Variants in NAT2 observed in about 807,000 individuals in gnomAD.
NAT2 encodes the protein N-acetyltransferase 2.
For missense variants in NAT2, 428 were observed against 339.1 expected, an observed-to-expected ratio of 1.26 and a Z score of -2.06; for synonymous variants, 137 against 125.9, an observed-to-expected ratio of 1.09 and a Z score of -0.59.
chr8:18,390,553 A>G (rs955652952), upstream of NAT2, among the ~76,000 whole-genome samples: 2 of 152,100 alleles, frequency 1.3e-5, no homozygotes, highest in Non-Finnish European at 1.5e-5. Flanking sequence ...AATATATACA[A>G]TTGTTATGTG....
chr8:18,393,188 T>C (rs1253015906), intron 1 of NAT2, among the ~76,000 whole-genome samples: 1 of 152,124 alleles, frequency 6.6e-6, no homozygotes, highest in Non-Finnish European at 1.5e-5. Flanking sequence ...AAGTTTCACA[T>C]ACTAAAAGCC....
Position 18,400,058 on chromosome 8 carries a change from T to C in NAT2, c.55T>C (p.Leu19=), listed in dbSNP as rs934741595. 11 of 1,611,916 alleles carry C rather than the reference T, an allele frequency of 6.8e-6. No individual in the cohort carries two copies. Among genetic ancestry groups the C allele is most frequent in the African/African-American group, 1.3e-5 (1 of 74,830 alleles). Residue 19 remains leucine (L), a synonymous_variant, in exon 2 of 2, where the codon TTG becomes CTG. Coordinates refer to ENST00000286479, the MANE Select transcript of NAT2 (RefSeq NM_000015.3). ...RIGYKNSRNK[L]DLETLTDILE... ...TGGCTATAAGAACTCTAGGAACAAA[T>C]TGGACTTGGAAACATTAACTGACAT...
intron 1 of NAT2, among the ~76,000 whole-genome samples, chr8:18,395,347 T>C (rs1217548378): frequency 1.3e-5 from 2 of 152,080 alleles, no homozygotes; most frequent in South Asian, 2.1e-4. Context: ...AACAAGGAAA[T>C]TTGGTTATTT....
chr8:18,396,501 T>G (rs1800694001), intron 1 of NAT2, among the ~76,000 whole-genome samples: 1 of 152,178 alleles, frequency 6.6e-6, no homozygotes, highest in South Asian at 2.1e-4. Context: ...GTTCAAGTGA[T>G]TCTCCTGCCT....
intron 1 of NAT2, among the ~76,000 whole-genome samples, chr8:18,397,054 A>C (rs1800704535): frequency 6.6e-6 from 1 of 152,186 alleles, no homozygotes; most frequent in Admixed American, 6.5e-5. Context: ...AAGTAGAGAT[A>C]TGGAGAAACA....
intron 1 of NAT2, among the ~76,000 whole-genome samples, chr8:18,395,362 G>C (rs1585136730): frequency 1.3e-5 from 2 of 151,716 alleles, no homozygotes; most frequent in East Asian, 3.9e-4. Flanking sequence ...TTATTTCTGT[G>C]GCATATAACA....
At chr8:18,396,110 A>C (rs552532206) in intron 1 of NAT2, among the ~76,000 whole-genome samples, 1 of 152,134 alleles carries the variant, frequency 6.6e-6, no homozygotes, top group African/African-American at 2.4e-5. Context: ...CTTACAAACA[A>C]ATCTATTTAA....
At chr8:18,386,570 A>T (rs1005881543), upstream of NAT2, among the ~76,000 whole-genome samples, 1 of 152,178 alleles carries the variant, frequency 6.6e-6, no homozygotes, top group Admixed American at 6.5e-5. Flanking sequence ...CCAGGTGCCC[A>T]TACACCCCAC....
rs147386892 is a variant in NAT2 at position 18,396,751 on chromosome 8, T to A, written c.-6-3247T>A. Reference sequence around the variant, plus strand: ...TATTCGTTTCATAAAAACAGCTAAATCCTGAGCTATCTGTAAAAAAATACG... The same window carrying A: ...TATTCGTTTCATAAAAACAGCTAAAACCTGAGCTATCTGTAAAAAAATACG... On this transcript the variant is annotated intron_variant, in intron 1 of 1. Coordinates refer to ENST00000286479, the MANE Select transcript of NAT2 (RefSeq NM_000015.3). Among the ~76,000 whole-genome samples the A allele has an allele frequency of 1.4e-3, 213 of 152,280 alleles. 1 individual carries two copies. The highest frequency in any genetic ancestry group is 4.8e-3 in the African/African-American group (201 of 41,570).
upstream of NAT2, among the ~76,000 whole-genome samples, chr8:18,386,746 T>C (rs76923170): frequency 3.9e-3 from 590 of 152,162 alleles, 2 homozygotes; most frequent in East Asian, 0.02. Context: ...GTTCCTCTTC[T>C]CTGACTCTGC....
chr8:18,400,568 ATATACT>A lies in NAT2; in HGVS notation c.569_574del (p.Tyr190_Leu191del), dbSNP rs777541171. On this transcript the variant is annotated inframe_deletion, in exon 2 of 2. Transcript: ENST00000286479. ...CCTGCCAAAGAAGAAACACCAAAAA[ATATACT>A]TATTTACGCTTGAACCTCGAACAAT... 1 of 1,612,462 alleles carries A rather than the reference ATATACT, an allele frequency of 6.2e-7. No homozygotes were observed. The highest frequency in any genetic ancestry group is 8.5e-7 in the Non-Finnish European group (1 of 1,179,656).
At chr8:18,388,703 AACTC>A (rs1352310364), upstream of NAT2, among the ~76,000 whole-genome samples, 2 of 152,186 alleles carry the variant, frequency 1.3e-5, no homozygotes, top group Non-Finnish European at 2.9e-5. Context: ...AGACATAACT[AACTC>A]TAATGCTTTT....
chr8:18,393,696 G>A (rs1800631268), intron 1 of NAT2, among the ~76,000 whole-genome samples: 1 of 152,094 alleles, frequency 6.6e-6, no homozygotes, highest in South Asian at 2.1e-4. Context: ...CCTTCAGTTT[G>A]CAAGACTTTA....
At chr8:18,399,309 A>G (rs1800748102) in intron 1 of NAT2, among the ~76,000 whole-genome samples, 1 of 152,164 alleles carries the variant, frequency 6.6e-6, no homozygotes, top group South Asian at 2.1e-4. Flanking sequence ...CTGTGCACCC[A>G]CTAACCCCTC....
intron 1 of NAT2, among the ~76,000 whole-genome samples, chr8:18,392,347 C>T (rs1395421716): frequency 6.6e-6 from 1 of 152,122 alleles, no homozygotes; most frequent in Non-Finnish European, 1.5e-5. Flanking sequence ...CCCAAAACCT[C>T]AAAAGTAGGG....
Position 18,400,143 on chromosome 8 carries a change from C to A in NAT2, c.140C>A (p.Ala47Asp), listed in dbSNP as rs1463045225. Residue 47 changes from alanine to aspartate, a missense_variant, in exon 2 of 2, where the codon GCC (alanine) becomes GAC (aspartate). Transcript: ENST00000286479. ...AACCTTAACATGCATTGTGGGCAAG[C>A]CATGGAGTTGGGCTTAGAGGCTATT... ...FENLNMHCGQ[A>D]MELGLEAIFD... 6.2e-7 allele frequency: 1 copy of A among 1,613,984 alleles called. No homozygotes were observed.
chr8:18,400,099 C>G lies in NAT2; in HGVS notation c.96C>G (p.Ile32Met). Reference protein sequence around the residue: ...ETLTDILEHQIRAVPFENLNM... With the variant: ...ETLTDILEHQMRAVPFENLNM... ...TAACTGACATTCTTGAGCACCAGAT[C>G]CGGGCTGTTCCCTTTGAGAACCTTA... The change falls in exon 2 of 2, where the codon ATC becomes ATG. Residue 32 changes from isoleucine (I) to methionine (M), a missense_variant. Coordinates refer to ENST00000286479, the MANE Select transcript of NAT2 (RefSeq NM_000015.3). The G allele has an allele frequency of 6.2e-7, 1 of 1,614,020 alleles. No homozygotes were observed. The highest frequency in any genetic ancestry group is 8.5e-7 in the Non-Finnish European group (1 of 1,179,948).
At chr8:18,393,176 A>G (rs1800618722) in intron 1 of NAT2, among the ~76,000 whole-genome samples, 2 of 152,152 alleles carry the variant, frequency 1.3e-5, no homozygotes, top group African/African-American at 4.8e-5. Flanking sequence ...GAAATTTAAA[A>G]CAAGTTTCAC....
At chr8:18,387,700 G>A (rs991297794), upstream of NAT2, 6 of 156,158 alleles carry the variant, frequency 3.8e-5, no homozygotes, top group African/African-American at 9.6e-5. Flanking sequence ...TTCTCTCGTC[G>A]CCTTTTCTCC....
Sources: allele counts gnomAD v4.1 joint callset (sites outside exome capture counted in the v4.1 genomes callset), GRCh38; gene constraint gnomAD v4.1.1; transcripts MANE v1.5; gene names NCBI Gene and HGNC (gene_info 2026-07-23, HGNC 2026-07-21).